The following PCSK2 variants were observed in gnomAD, a reference collection of about 807,000 sequenced individuals.
PCSK2 encodes the protein proprotein convertase subtilisin/kexin type 2.
In PCSK2, 14 loss-of-function variants were observed where a neutral mutation model predicts 69.7. That is an observed-to-expected ratio of 0.20 (90% CI 0.13 to 0.31). PCSK2 has a LOEUF of 0.31. Ranked by LOEUF, PCSK2 falls within the 10% of genes least tolerant of loss-of-function variation. PCSK2 has a pLI of 1.00. For missense variants in PCSK2, 544 were observed against 842.5 expected (o/e 0.65, Z 4.39); for synonymous variants, 307 against 320.7 (o/e 0.96, Z 0.46).
chr20:17,353,357 C>T (rs559258097), intron 2 of PCSK2, among the ~76,000 whole-genome samples: 2 of 150,998 alleles, frequency 1.3e-5, no homozygotes, highest in Admixed American at 1.3e-4. Context: ...CCCAGCTACT[C>T]GGGTGGCTGA....
chr20:17,395,413 G>C (rs189914941), intron 5 of PCSK2, among the ~76,000 whole-genome samples: 2 of 152,208 alleles, frequency 1.3e-5, no homozygotes, highest in Admixed American at 6.5e-5. Flanking sequence ...TCACAGTCTT[G>C]TACATTTTTT....
At chr20:17,369,099 G>T (rs991291955) in intron 4 of PCSK2, 141 bp from the exon 5 acceptor site, 1 of 704,346 alleles carries the variant, frequency 1.4e-6, no homozygotes, top group Non-Finnish European at 2.6e-6. Flanking sequence ...AAGACTGGGA[G>T]CTGTGTGATG....
chr20:17,254,572 T>C (rs1353430495), intron 1 of PCSK2, among the ~76,000 whole-genome samples: 1 of 152,216 alleles, frequency 6.6e-6, no homozygotes, highest in African/African-American at 2.4e-5. Context: ...ATGTCTCTCC[T>C]ATGCCAGTAC....
chr20:17,304,540 G>A (rs946371284), intron 2 of PCSK2, among the ~76,000 whole-genome samples: 2 of 152,180 alleles, frequency 1.3e-5, no homozygotes, highest in Non-Finnish European at 2.9e-5. Flanking sequence ...GGCAATCTGG[G>A]TAGAAGATTC....
intron 2 of PCSK2, among the ~76,000 whole-genome samples, chr20:17,336,708 T>G (rs796865684): frequency 6.6e-6 from 1 of 152,308 alleles, no homozygotes; most frequent in African/African-American, 2.4e-5. Context: ...CATTTGCTAA[T>G]TGATAATACA....
chr20:17,453,911 C>T lies in PCSK2; in HGVS notation c.1055C>T (p.Ala352Val), dbSNP rs761819334. 10 of 1,614,092 alleles carry T rather than the reference C, an allele frequency of 6.2e-6. No individual in the cohort carries two copies. The highest frequency in any genetic ancestry group is 6.8e-6 in the Non-Finnish European group (8 of 1,180,014). ...LYDESCSSTL[A>V]STFSNGRKRN... is the part of the protein sequence containing the mutation. ...GACGAGAGCTGCTCTTCCACCTTGGCTTCCACCTTCAGCAACGGGAGGAAA... is the reference window on the plus strand; with the variant it reads ...GACGAGAGCTGCTCTTCCACCTTGGTTTCCACCTTCAGCAACGGGAGGAAA... The change falls in exon 9 of 12, where the codon GCT becomes GTT. Residue 352 changes from alanine to valine, a missense_variant. Physicochemically the swap from Ala to Val is moderately conservative, Grantham distance 64 (BLOSUM62 0). Around this residue, in one of 3 missense-constraint regions of PCSK2, gnomAD observed 187 missense variants for 399.8 expected, o/e 0.47. Coordinates refer to ENST00000262545, the MANE Select transcript of PCSK2 (RefSeq NM_002594.5). The surrounding 1 kb of genome is among the most constrained non-coding windows in gnomAD (Gnocchi z 4.0).
At chr20:17,444,528 A>G (rs1346189916) in intron 8 of PCSK2, among the ~76,000 whole-genome samples, 4 of 152,186 alleles carry the variant, frequency 2.6e-5, no homozygotes, top group Non-Finnish European at 4.4e-5. Context: ...TTCACGTTGT[A>G]TATGGGAAGA....
intron 9 of PCSK2, among the ~76,000 whole-genome samples, chr20:17,455,683 T>C (rs991774786): frequency 6.6e-6 from 1 of 152,152 alleles, no homozygotes; most frequent in Non-Finnish European, 1.5e-5. Flanking sequence ...AAAACTAGGG[T>C]GGGGGTATTG....
At chr20:17,481,388 CA>C (rs3076146) in intron 11 of PCSK2, among the ~76,000 whole-genome samples, 195 bp from the exon 12 acceptor site, 7,168 of 65,536 alleles carry the variant, frequency 0.11, 464 homozygotes, top group African/African-American at 0.2. Context: ...TCTCAAAAGA[CA>C]AAAAAAAAAA....
chr20:17,342,490 T>A (rs1799548697), intron 2 of PCSK2, among the ~76,000 whole-genome samples: 1 of 151,918 alleles, frequency 6.6e-6, no homozygotes, highest in Admixed American at 6.6e-5. Flanking sequence ...GGCTAATTTG[T>A]GTATTTTTTG....
intron 5 of PCSK2, among the ~76,000 whole-genome samples, chr20:17,402,116 GCTGTTACTTAGAGCAA>G (rs1445795215): frequency 1.1e-4 from 16 of 152,262 alleles, no homozygotes; most frequent in African/African-American, 3.9e-4. Flanking sequence ...GTCTGCCTCG[GCTGTTACTTAGAGCAA>G]CTGTTTGCTC....
intron 2 of PCSK2, among the ~76,000 whole-genome samples, chr20:17,305,216 AT>A (rs1989290066): frequency 1.3e-5 from 2 of 152,258 alleles, no homozygotes; most frequent in Non-Finnish European, 2.9e-5. Flanking sequence ...ACTCGTATAA[AT>A]AATATTAAAC....
At chr20:17,392,322 T>A (rs2031403931) in intron 5 of PCSK2, among the ~76,000 whole-genome samples, 1 of 152,192 alleles carries the variant, frequency 6.6e-6, no homozygotes, top group Non-Finnish European at 1.5e-5. Context: ...TTCTTTTGAA[T>A]AGGTCCCCTA....
At chr20:17,232,230 C>T (rs144700968) in intron 1 of PCSK2, among the ~76,000 whole-genome samples, 1 of 152,210 alleles carries the variant, frequency 6.6e-6, no homozygotes, top group Admixed American at 6.5e-5. Flanking sequence ...TCTCAGAATT[C>T]TGCCGGCTAC....
At chr20:17,255,407 T>C (rs6514786) in intron 1 of PCSK2, among the ~76,000 whole-genome samples, 1 of 151,740 alleles carries the variant, frequency 6.6e-6, no homozygotes, top group Non-Finnish European at 1.5e-5. Context: ...AATGGCGCAA[T>C]CTCGGCTCAC....
At chr20:17,401,968 T>C (rs894253389) in intron 5 of PCSK2, among the ~76,000 whole-genome samples, 91 of 152,194 alleles carry the variant, frequency 6.0e-4, no homozygotes, top group African/African-American at 2.1e-3. Flanking sequence ...TGTACGCTTT[T>C]AGGGAAGCTC....
Position 17,327,731 on chromosome 20 carries a change from C to T in PCSK2, c.283-30596C>T, listed in dbSNP as rs189786943. 2.2e-4 allele frequency among the ~76,000 whole-genome samples: 33 copies of T among 152,344 alleles called. 1 individual carries two copies. In the South Asian group the frequency reaches 3.5e-3, roughly 16 times the overall value. On this transcript the variant is annotated intron_variant, in intron 2 of 11. Transcript: ENST00000262545. ...TTTTAAATTGGCCAGAATAATACAACAAATTAAGGTATTTGCTGGTTTCTA... is the reference window on the plus strand; with the variant it reads ...TTTTAAATTGGCCAGAATAATACAATAAATTAAGGTATTTGCTGGTTTCTA...
chr20:17,386,149 C>T (rs1361928056), intron 5 of PCSK2, among the ~76,000 whole-genome samples: 1 of 152,028 alleles, frequency 6.6e-6, no homozygotes, highest in East Asian at 1.9e-4. Context: ...ACTAGGCTCT[C>T]CTAATACATG....
At chr20:17,308,886 G>A (rs1430313063) in intron 2 of PCSK2, among the ~76,000 whole-genome samples, 2 of 152,144 alleles carry the variant, frequency 1.3e-5, no homozygotes, top group African/African-American at 4.8e-5. Flanking sequence ...GAGGCTCCCA[G>A]GCTTCTTGAG....
Sources: gnomAD v4.1 joint callset for allele counts (sites outside exome capture counted in the v4.1 genomes callset) on GRCh38, gnomAD v4.1.1 for gene constraint, gnomAD v4.1.1 regional missense constraint, Gnocchi (gnomAD v3.1) non-coding constraint, MANE v1.5 for transcripts, NCBI Gene and HGNC (gene_info 2026-07-23, HGNC 2026-07-21) for gene names.